The following TNFRSF9 variants were observed in gnomAD, a reference collection of about 807,000 sequenced individuals.
The protein encoded by TNFRSF9 is tumor necrosis factor receptor superfamily member 9.
TNFRSF9 carries 16 observed loss-of-function variants against 28.8 expected under a neutral mutation model. The ratio of observed to expected loss-of-function variants is 0.55; its 90% CI spans 0.38 to 0.84. The LOEUF is 0.84. Ranked by LOEUF, TNFRSF9 falls within the 40% of genes least tolerant of loss-of-function variation. The pLI is 0.00. For missense variants in TNFRSF9, 303 were observed against 315.0 expected (o/e 0.96, Z 0.29); for synonymous variants, 131 against 117.0 (o/e 1.12, Z -0.77).
In TNFRSF9 at chr1:7,920,663, A is replaced by C; in HGVS notation, c.*172T>G. 1 of 560,510 alleles carries C rather than the reference A, an allele frequency of 1.8e-6. No individual in the cohort carries two copies. Among genetic ancestry groups the C allele is most frequent in the Non-Finnish European group, 3.2e-6 (1 of 313,232 alleles). 34.7% of individuals were successfully genotyped at this position (560,510 alleles called of 1,614,324 possible). ...GAGACCCTGTCAAAAAAAAAAAAAA[A>C]GTGGTGCATTTTTAAAGGCCAACTC... On this transcript the variant is annotated 3_prime_UTR_variant, in exon 8 of 8. Transcript: ENST00000377507.
chr1:7,933,349 A>G (rs1259583135), intron 6 of TNFRSF9, 53 bp from the exon 7 acceptor site: 4 of 1,577,976 alleles, frequency 2.5e-6, no homozygotes, highest in Non-Finnish European at 3.4e-6. Context: ...TGACACTCAT[A>G]CACCCATGTA....
Position 7,916,685 on chromosome 1 carries a change from G to GGA in TNFRSF9, c.*4149_*4150insTC, listed in dbSNP as rs1022441023. The GGA allele has an allele frequency of 9.2e-5, 14 of 152,136 alleles. No homozygotes were observed. The highest frequency in any genetic ancestry group is 3.1e-4 in the African/African-American group (13 of 41,434). The allele number at this position is 152,136 out of a possible 1,614,324, so 9.4% of individuals were successfully genotyped here. Reference sequence around the variant, plus strand: ...AGAAAGACAAAAATATTCGCACCTAGCTTTGTTCCTGAAATGGCACCAGTA... The same window carrying GGA: ...AGAAAGACAAAAATATTCGCACCTAGGACTTTGTTCCTGAAATGGCACCAGTA... On this transcript the variant is annotated 3_prime_UTR_variant, in exon 8 of 8. Coordinates refer to ENST00000377507, the MANE Select transcript of TNFRSF9 (RefSeq NM_001561.6).
intron 7 of TNFRSF9, among the ~76,000 whole-genome samples, chr1:7,932,577 C>T (rs930521836): frequency 1.3e-5 from 2 of 152,050 alleles, no homozygotes; most frequent in South Asian, 4.1e-4. Context: ...TGGGTCTAAA[C>T]TCATTTTAAG....
At chr1:7,934,330 T>TG (rs1190726977) in intron 6 of TNFRSF9, among the ~76,000 whole-genome samples, 1 of 142,942 alleles carries the variant, frequency 7.0e-6, no homozygotes, top group African/African-American at 2.6e-5. Flanking sequence ...TGAGCCAATA[T>TG]CAAGCCACTG....
At chr1:7,937,538 A>G (rs576765143) in intron 5 of TNFRSF9, 152 bp downstream of exon 5, 1 of 566,586 alleles carries the variant, frequency 1.8e-6, no homozygotes, top group Admixed American at 3.0e-5. Flanking sequence ...TTGAGTTGCT[A>G]CGACCTCACA....
rs749135432 is a variant in TNFRSF9 at position 7,922,908 on chromosome 1, C to CTT, written c.680-1987_680-1986dup. On this transcript the variant is annotated intron_variant, in intron 7 of 7. Transcript: ENST00000377507. ...AAGACTACAAACTTCTTTTTTTTTT[C>CTT]TTTTTTTTTTTTGAGATGGAGTCTC... Among the ~76,000 whole-genome samples the CTT allele has an allele frequency of 2.8e-4, 38 of 137,940 alleles. 1 individual carries two copies. Among genetic ancestry groups the CTT allele is most frequent in the East Asian group, 2.4e-3 (11 of 4,648 alleles). The allele number at this position is 137,940 out of a possible 152,430, so 90.5% of individuals were successfully genotyped here.
At chr1:7,939,861 G>T in intron 2 of TNFRSF9, 34 bp downstream of exon 2, 1 of 1,508,292 alleles carries the variant, frequency 6.6e-7, no homozygotes, top group South Asian at 1.2e-5. Context: ...TTCCAACAGA[G>T]CAGATCAAAT....
At chr1:7,924,546 G>C (rs1345457365) in intron 7 of TNFRSF9, among the ~76,000 whole-genome samples, 6 of 151,996 alleles carry the variant, frequency 3.9e-5, no homozygotes, top group Non-Finnish European at 8.8e-5. Flanking sequence ...AGAATCCCTT[G>C]AACCCGGGAG....
intron 2 of TNFRSF9, among the ~76,000 whole-genome samples, chr1:7,939,222 A>G (rs1639865005): frequency 6.6e-6 from 1 of 151,146 alleles, no homozygotes; most frequent in Non-Finnish European, 1.5e-5. Flanking sequence ...CGGGAGGCTG[A>G]GGCAGGAGAA....
intron 6 of TNFRSF9, among the ~76,000 whole-genome samples, chr1:7,933,943 G>A (rs1639776457): frequency 6.6e-6 from 1 of 152,098 alleles, no homozygotes. Context: ...CTTGAACCTG[G>A]GAGGTAGAGG....
intron 2 of TNFRSF9, among the ~76,000 whole-genome samples, chr1:7,939,129 G>A (rs1639863925): frequency 6.6e-6 from 1 of 152,030 alleles, no homozygotes; most frequent in African/African-American, 2.4e-5. Context: ...AGACCAGCTT[G>A]GCCAACATGG....
rs1639481089 is a variant in TNFRSF9, at chr1:7,916,641, A to G, written c.*4194T>C. On this transcript the variant is annotated 3_prime_UTR_variant, in exon 8 of 8. Transcript: ENST00000377507. ...AGCCAAGAGGAGAAATCACTTTAGA[A>G]CTTACAGCATCATGATTCAGAAAGA... is the stretch of plus-strand genomic sequence containing the variant. 1 of 152,112 alleles carries G rather than the reference A, an allele frequency of 6.6e-6. No homozygotes were observed. The highest frequency in any genetic ancestry group is 2.1e-4 in the South Asian group (1 of 4,832). The allele number at this position is 152,112 out of a possible 1,614,324, so 9.4% of individuals were successfully genotyped here. A position where few individuals can be genotyped will look rare whatever the true frequency, so the allele number is the denominator to read the frequency against.
chr1:7,933,793 G>A (rs1360592316), intron 6 of TNFRSF9, among the ~76,000 whole-genome samples: 1 of 152,200 alleles, frequency 6.6e-6, no homozygotes, highest in African/African-American at 2.4e-5. Context: ...AAGGTGGGCA[G>A]ATCACCTGAG....
Position 7,938,842 on chromosome 1 carries a change from AC to A in TNFRSF9, c.101-15del. 6.3e-7 allele frequency: 1 copy of A among 1,582,286 alleles called. No homozygotes were observed. Among genetic ancestry groups the A allele is most frequent in the Non-Finnish European group, 8.7e-7 (1 of 1,152,256 alleles). On this transcript the variant is annotated splice_polypyrimidine_tract_variant and intron_variant, in intron 2 of 7. Transcript: ENST00000377507. The stretch of plus-strand genomic sequence containing the variant: ...CACAGAATGTACCTAAGAAAGGCAG[AC>A]AATAGTGGTACACGTTTGACAATGG...
intron 7 of TNFRSF9, among the ~76,000 whole-genome samples, chr1:7,929,781 A>C (rs2151416023): frequency 6.6e-6 from 1 of 152,222 alleles, no homozygotes; most frequent in East Asian, 1.9e-4. Context: ...GTTGTTATAC[A>C]ACTCCACATG....
rs936168155 is a variant in TNFRSF9 at position 7,932,076 on chromosome 1, G to A, written c.679+1086C>T. Among the ~76,000 whole-genome samples the A allele has an allele frequency of 1.2e-3, 183 of 152,290 alleles. 1 individual carries two copies. The highest frequency in any genetic ancestry group is 4.3e-3 in the African/African-American group (180 of 41,564). On this transcript the variant is annotated intron_variant, in intron 7 of 7. Coordinates refer to ENST00000377507, the MANE Select transcript of TNFRSF9 (RefSeq NM_001561.6). ...CGCTTGAACCCGGAAGGAGGAGGTT[G>A]CGGTAAGCCGGGATCACGCCATTGC...
intron 5 of TNFRSF9, among the ~76,000 whole-genome samples, chr1:7,935,359 G>C (rs1255043709): frequency 3.9e-5 from 6 of 152,300 alleles, no homozygotes; most frequent in Middle Eastern, 3.4e-3. Context: ...TGACAGCTTA[G>C]TTCAGTCTGT....
Position 7,917,655 on chromosome 1 carries a change from A to G in TNFRSF9, c.*3180T>C, listed in dbSNP as rs1456591825. The G allele has an allele frequency of 6.6e-6, 1 of 152,204 alleles. No individual in the cohort carries two copies. Among genetic ancestry groups the G allele is most frequent in the Non-Finnish European group, 1.5e-5 (1 of 68,046 alleles). 9.4% of individuals were successfully genotyped at this position (152,204 alleles called of 1,614,324 possible). ...AGGATTTCTTTAGCCAGGCAAGAAA[A>G]AATGTTAACCATATGAGAAAACAGT... On this transcript the variant is annotated 3_prime_UTR_variant, in exon 8 of 8. Coordinates refer to ENST00000377507, the MANE Select transcript of TNFRSF9 (RefSeq NM_001561.6).
At chr1:7,929,504 A>G (rs1639703233) in intron 7 of TNFRSF9, among the ~76,000 whole-genome samples, 1 of 151,800 alleles carries the variant, frequency 6.6e-6, no homozygotes, top group African/African-American at 2.4e-5. Flanking sequence ...TCACCTTTAC[A>G]TCCCTGAATA....
Sources: gnomAD v4.1 joint callset for allele counts (sites outside exome capture counted in the v4.1 genomes callset) on GRCh38, gnomAD v4.1.1 for gene constraint, MANE v1.5 for transcripts, NCBI Gene and HGNC (gene_info 2026-07-23, HGNC 2026-07-21) for gene names.